ATP9A: variants seen among roughly 807,000 people sequenced by gnomAD.
ATP9A encodes probable phospholipid-transporting ATPase IIA.
Under a neutral mutation model 144.1 loss-of-function variants are expected in ATP9A, and 52 were observed. That is an observed-to-expected ratio of 0.36 (90% CI 0.29 to 0.45). The LOEUF (loss-of-function observed/expected upper bound fraction) is 0.45, where lower values mean the gene tolerates loss of function less well. Ranked by LOEUF, ATP9A falls within the 20% of genes least tolerant of loss-of-function variation. ATP9A has a pLI of 1.00. For synonymous variants in ATP9A, 582 were observed against 557.4 expected (o/e 1.04, Z -0.62); for missense variants, 947 against 1,392.7 (o/e 0.68, Z 5.09).
At chr20:51,661,534 T>C (rs1240575143) in intron 13 of ATP9A, among the ~76,000 whole-genome samples, 1 of 132,602 alleles carries the variant, frequency 7.5e-6, no homozygotes, top group African/African-American at 3.5e-5. Flanking sequence ...AGCTTTTTTT[T>C]TTTTTTTTTT....
chr20:51,638,119 A>ATATATATATG (rs2077302772), intron 15 of ATP9A, among the ~76,000 whole-genome samples: 1 of 101,414 alleles, frequency 9.9e-6, no homozygotes, highest in African/African-American at 4.0e-5. Flanking sequence ...ATATATATAT[A>ATATATATATG]TATATCTCAT....
chr20:51,644,333 C>T (rs1318777740), intron 14 of ATP9A, among the ~76,000 whole-genome samples: 5 of 125,794 alleles, frequency 4.0e-5, no homozygotes, highest in East Asian at 2.3e-4. Context: ...AGTGCAGTGG[C>T]GCGATCTCGG....
intron 4 of ATP9A, among the ~76,000 whole-genome samples, chr20:51,706,762 C>T (rs767876139): frequency 1.3e-5 from 2 of 152,144 alleles, no homozygotes; most frequent in East Asian, 1.9e-4. Context: ...AAATAAAGAA[C>T]GAAAAGAAAC....
At chr20:51,739,192 C>T (rs1412256576) in intron 1 of ATP9A, among the ~76,000 whole-genome samples, 9 of 152,198 alleles carry the variant, frequency 5.9e-5, no homozygotes, top group Middle Eastern at 3.4e-3. Context: ...CCTGCAAGCC[C>T]GCCAACTTTC....
chr20:51,636,340 T>C (rs2077292222), intron 15 of ATP9A, among the ~76,000 whole-genome samples: 1 of 152,192 alleles, frequency 6.6e-6, no homozygotes. Flanking sequence ...ATTGCTTATT[T>C]CCGGAATTTT....
Position 51,730,017 on chromosome 20 carries a change from G to A in ATP9A, c.69-39C>T, listed in dbSNP as rs1425955395. 13 of 1,468,892 alleles carry A rather than the reference G, an allele frequency of 8.9e-6. No individual in the cohort carries two copies. The Middle Eastern group carries it at 5.5e-4, about 63-fold the overall frequency. 91.0% of individuals were successfully genotyped at this position (1,468,892 alleles called of 1,614,324 possible). On this transcript the variant is annotated intron_variant, in intron 1 of 27. Transcript: ENST00000338821. ...ACCCACGCATCAAGGCCACGCCCAC[G>A]CATCGAGGCTGTGCTCATGTCTGCC... is the stretch of plus-strand genomic sequence containing the variant.
chr20:51,722,194 A>C (rs1156875821), intron 3 of ATP9A, among the ~76,000 whole-genome samples: 1 of 152,246 alleles, frequency 6.6e-6, no homozygotes, highest in Non-Finnish European at 1.5e-5. Context: ...AATCAACTCA[A>C]GATGGATTAA....
intron 9 of ATP9A, among the ~76,000 whole-genome samples, chr20:51,686,420 A>G (rs908390781): frequency 1.3e-5 from 2 of 152,124 alleles, no homozygotes; most frequent in African/African-American, 4.8e-5. Context: ...ATATGGTAAA[A>G]GAAAATAAAG....
chr20:51,755,013 G>A (rs1043290930), intron 1 of ATP9A, among the ~76,000 whole-genome samples: 1 of 151,592 alleles, frequency 6.6e-6, no homozygotes, highest in Admixed American at 6.6e-5. Context: ...AACTACTCAG[G>A]AGGCTGAGGC....
At chr20:51,626,709 A>G (rs928028669) in intron 17 of ATP9A, among the ~76,000 whole-genome samples, 3 of 151,852 alleles carry the variant, frequency 2.0e-5, no homozygotes, top group Non-Finnish European at 4.4e-5. Context: ...TTTATGCCAA[A>G]TTTTCCCGAA....
Position 51,657,126 on chromosome 20 carries a change from T to C in ATP9A, c.1318A>G (p.Lys440Glu). 3 of 1,614,070 alleles carry C rather than the reference T, an allele frequency of 1.9e-6. No homozygotes were observed. Among genetic ancestry groups the C allele is most frequent in the Non-Finnish European group, 2.5e-6 (3 of 1,179,996 alleles). Residue 440 changes from lysine to glutamate, a missense_variant, in exon 14 of 28, where the codon AAG (lysine) becomes GAG (glutamate). Physicochemically the swap from Lys to Glu is moderately conservative, Grantham distance 56. Transcript: ENST00000338821. ...TQQSQDPPAQ[K>E]GPTLTTKVRR... ...ACCTTAGTGGTGAGCGTTGGGCCCT[T>C]CTGAGCCGGTGGGTCCTGGGATTGC...
chr20:51,683,430 GATTATT>G lies in ATP9A; in HGVS notation c.799+5628_799+5633del, dbSNP rs141282258. 1.8e-4 allele frequency among the ~76,000 whole-genome samples: 27 copies of G among 150,838 alleles called. No homozygotes were observed. The South Asian group carries it at 5.1e-3, about 28-fold the overall frequency. The stretch of plus-strand genomic sequence containing the variant: ...CAGGCGCCCACCACCACGCCCAGCT[GATTATT>G]ATTATTATTATTATTATTTTATATT... On this transcript the variant is annotated intron_variant, in intron 9 of 27. Transcript: ENST00000338821.
chr20:51,670,240 G>T, intron 12 of ATP9A, 131 bp from the exon 13 acceptor site: 3 of 675,232 alleles, frequency 4.4e-6, no homozygotes, highest in Non-Finnish European at 7.8e-6. Context: ...TCCCTGCTGG[G>T]GAAGACACCT....
chr20:51,672,036 G>C (rs2077458330), intron 11 of ATP9A, among the ~76,000 whole-genome samples: 1 of 152,054 alleles, frequency 6.6e-6, no homozygotes, highest in African/African-American at 2.4e-5. Context: ...CTGGGCTCAA[G>C]TGATCCACCC....
intron 15 of ATP9A, among the ~76,000 whole-genome samples, chr20:51,633,255 A>T (rs1958442860): frequency 1.3e-5 from 2 of 148,242 alleles, no homozygotes; most frequent in Non-Finnish European, 3.0e-5. Context: ...AAAATCATTA[A>T]AATCAGATTT....
At chr20:51,754,155 T>C (rs904619034) in intron 1 of ATP9A, among the ~76,000 whole-genome samples, 2 of 152,110 alleles carry the variant, frequency 1.3e-5, no homozygotes, top group Non-Finnish European at 2.9e-5. Flanking sequence ...TTAAGCTCAG[T>C]GTTCCTGTGA....
At chr20:51,604,790 CG>C in intron 27 of ATP9A, 26 bp downstream of exon 27, 1 of 1,446,410 alleles carries the variant, frequency 6.9e-7, no homozygotes, top group Non-Finnish European at 9.2e-7. Context: ...GGGTGACGGA[CG>C]GGGTTTAAGC....
chr20:51,659,703 C>A (rs2077403353), intron 13 of ATP9A, among the ~76,000 whole-genome samples: 1 of 152,306 alleles, frequency 6.6e-6, no homozygotes, highest in East Asian at 1.9e-4. Context: ...ACCCATGACA[C>A]CCGATTGCCC....
chr20:51,706,492 G>C (rs1286343049), intron 4 of ATP9A, among the ~76,000 whole-genome samples: 1 of 152,250 alleles, frequency 6.6e-6, no homozygotes, highest in African/African-American at 2.4e-5. Flanking sequence ...TGGGCACATT[G>C]GCTTATGCCT....
Sources: allele counts gnomAD v4.1 joint callset (sites outside exome capture counted in the v4.1 genomes callset), GRCh38; gene constraint gnomAD v4.1.1; transcripts MANE v1.5; gene names NCBI Gene and HGNC (gene_info 2026-07-23, HGNC 2026-07-21).